LRFN5: variants seen among roughly 807,000 people sequenced by gnomAD.
The protein encoded by LRFN5 is leucine rich repeat and fibronectin type III domain containing 5, also known as leucine-rich repeat and fibronectin type-III domain-containing protein 5.
In LRFN5, 24 loss-of-function variants were observed where a neutral mutation model predicts 45.6. The observed-to-expected ratio is 0.53, with a 90% CI of 0.38 to 0.74. LRFN5 has a LOEUF of 0.74. Among genes scored for constraint, LRFN5 ranks in the 30% least tolerant of loss-of-function variants. LRFN5 has a pLI of 0.00. For missense variants in LRFN5, 776 were observed against 861.5 expected (o/e 0.90, Z 1.24); for synonymous variants, 340 against 313.8 (o/e 1.08, Z -0.88).
intron 2 of LRFN5, among the ~76,000 whole-genome samples, chr14:41,844,176 G>A (rs902839730): frequency 2.0e-5 from 3 of 152,114 alleles, no homozygotes; most frequent in East Asian, 1.9e-4. Context: ...AGTGGCTCAC[G>A]CCTGTAATCC....
At chr14:41,670,263 A>G (rs1268320231) in intron 1 of LRFN5, among the ~76,000 whole-genome samples, 4 of 14,050 alleles carry the variant, frequency 2.8e-4, no homozygotes, top group African/African-American at 7.7e-4. Context: ...ACAGATATAT[A>G]TATATATATA....
At chr14:41,855,168 G>A (rs966779781) in intron 2 of LRFN5, among the ~76,000 whole-genome samples, 4 of 152,090 alleles carry the variant, frequency 2.6e-5, no homozygotes, top group Admixed American at 1.3e-4. Context: ...GGTGAGAAAC[G>A]GCATGATCAG....
intron 1 of LRFN5, among the ~76,000 whole-genome samples, chr14:41,735,314 C>T (rs1884377115): frequency 6.6e-6 from 1 of 152,078 alleles, no homozygotes; most frequent in African/African-American, 2.4e-5. Flanking sequence ...GTTACCCAGG[C>T]AGTAATGCAG....
At chr14:41,787,131 T>C (rs777869726) in intron 2 of LRFN5, among the ~76,000 whole-genome samples, 1 of 111,924 alleles carries the variant, frequency 8.9e-6, no homozygotes, top group Non-Finnish European at 1.9e-5. Flanking sequence ...ATTGATTGAC[T>C]TTTTCTGACT....
At chr14:41,817,590 ACT>A (rs1477052509) in intron 2 of LRFN5, among the ~76,000 whole-genome samples, 2 of 152,064 alleles carry the variant, frequency 1.3e-5, no homozygotes, top group Admixed American at 6.6e-5. Flanking sequence ...GGTCACTTAG[ACT>A]CTGATGAAAC....
rs1779246684 is a variant in LRFN5 at position 41,612,403 on chromosome 14, T to C, written c.-197+3841T>C. Among the ~76,000 whole-genome samples the C allele has an allele frequency of 2.6e-5, 4 of 152,292 alleles. No individual in the cohort carries two copies. In the South Asian group the frequency reaches 8.3e-4, roughly 32 times the overall value. On this transcript the variant is annotated intron_variant, in intron 1 of 5. Transcript: ENST00000298119. ...GCTTATTTCAGTGATTTTTATTTTCTGTTTACTTAAAAATGTAACATATTG... is the reference window on the plus strand; with the variant it reads ...GCTTATTTCAGTGATTTTTATTTTCCGTTTACTTAAAAATGTAACATATTG...
chr14:41,673,052 T>A (rs936616676), intron 1 of LRFN5, among the ~76,000 whole-genome samples: 10 of 151,910 alleles, frequency 6.6e-5, no homozygotes, highest in East Asian at 1.9e-4. Context: ...TTATTTATTT[T>A]TTCACAAGGC....
At position 41,720,642 on chromosome 14, in the gene LRFN5, A is replaced by C. The variant is rs183065352; in HGVS notation, c.-196-46212A>C. Among the ~76,000 whole-genome samples the C allele has an allele frequency of 3.4e-4, 52 of 152,230 alleles. 1 individual carries two copies. The highest frequency in any genetic ancestry group is 1.2e-3 in the African/African-American group (50 of 41,544). On this transcript the variant is annotated intron_variant, in intron 1 of 5. Coordinates refer to ENST00000298119, the MANE Select transcript of LRFN5 (RefSeq NM_152447.5). ...TCTGCCTTAATTTCATTGTTTACTC[A>C]GAAGTTATTCAGGAGCAAGTTGTTT...
At chr14:41,874,351 A>G (rs1225648827) in intron 2 of LRFN5, among the ~76,000 whole-genome samples, 1 of 152,186 alleles carries the variant, frequency 6.6e-6, no homozygotes, top group East Asian at 1.9e-4. Flanking sequence ...AATGATGTAG[A>G]ACTCAAGATC....
chr14:41,862,076 A>T (rs1053893110), intron 2 of LRFN5, among the ~76,000 whole-genome samples: 1 of 152,162 alleles, frequency 6.6e-6, no homozygotes, highest in African/African-American at 2.4e-5. Context: ...TTGTCATGTA[A>T]GACGTGCCAT....
At chr14:41,734,027 T>C (rs1884295872) in intron 1 of LRFN5, among the ~76,000 whole-genome samples, 1 of 121,180 alleles carries the variant, frequency 8.3e-6, no homozygotes, top group African/African-American at 3.5e-5. Context: ...TTCTTTTCTT[T>C]TCTTTTTTTT....
intron 1 of LRFN5, among the ~76,000 whole-genome samples, chr14:41,664,000 T>C (rs914871104): frequency 7.2e-5 from 11 of 151,984 alleles, no homozygotes; most frequent in Non-Finnish European, 8.8e-5. Flanking sequence ...GTTTTCTGTT[T>C]CTTGTCCTCA....
At chr14:41,840,658 G>T (rs1888828326) in intron 2 of LRFN5, among the ~76,000 whole-genome samples, 1 of 151,894 alleles carries the variant, frequency 6.6e-6, no homozygotes, top group Non-Finnish European at 1.5e-5. Context: ...CATCCCTTAA[G>T]TAGGGAAAAT....
At chr14:41,702,987 C>T (rs1455174721) in intron 1 of LRFN5, among the ~76,000 whole-genome samples, 2 of 151,872 alleles carry the variant, frequency 1.3e-5, no homozygotes, top group Non-Finnish European at 2.9e-5. Context: ...CTTTCAAATT[C>T]GAATGTGTGA....
At chr14:41,832,925 G>A (rs1888536065) in intron 2 of LRFN5, among the ~76,000 whole-genome samples, 1 of 152,146 alleles carries the variant, frequency 6.6e-6, no homozygotes, top group African/African-American at 2.4e-5. Context: ...GGGAAGGGAA[G>A]TCAAATCTGC....
At chr14:41,724,240 G>A (rs1382494905) in intron 1 of LRFN5, among the ~76,000 whole-genome samples, 2 of 152,054 alleles carry the variant, frequency 1.3e-5, no homozygotes, top group South Asian at 2.1e-4. Flanking sequence ...GCACTATCTT[G>A]CTGTTTTCAA....
intron 1 of LRFN5, among the ~76,000 whole-genome samples, chr14:41,613,364 A>G (rs969993456): frequency 6.6e-6 from 1 of 152,028 alleles, no homozygotes; most frequent in Admixed American, 6.6e-5. Flanking sequence ...ACTAATGTAC[A>G]TTCCAACCAT....
chr14:41,891,032 A>T (rs564578617), intron 3 of LRFN5, among the ~76,000 whole-genome samples: 1 of 152,194 alleles, frequency 6.6e-6, no homozygotes, highest in African/African-American at 2.4e-5. Context: ...TAAGCTTGTG[A>T]AGGCTTGGGG....
intron 1 of LRFN5, among the ~76,000 whole-genome samples, chr14:41,758,647 A>G (rs1885517918): frequency 6.6e-6 from 1 of 152,156 alleles, no homozygotes; most frequent in Non-Finnish European, 1.5e-5. Context: ...GGTCTAATAA[A>G]ATAATGTGTC....
Sources: gnomAD v4.1 joint callset for allele counts (sites outside exome capture counted in the v4.1 genomes callset) on GRCh38, gnomAD v4.1.1 for gene constraint, MANE v1.5 for transcripts, NCBI Gene and HGNC (gene_info 2026-07-23, HGNC 2026-07-21) for gene names.